Variants in WDR55 observed in about 807,000 individuals in gnomAD.
WDR55 encodes the protein WD repeat-containing protein 55.
WDR55 carries 31 observed loss-of-function variants against 34.0 expected under a neutral mutation model. That is an observed-to-expected ratio of 0.91 (90% CI 0.69 to 1.23). The LOEUF (loss-of-function observed/expected upper bound fraction) is 1.23. Among genes scored for constraint, WDR55 ranks in the 50% most tolerant of loss-of-function variants. The pLI is 0.00. For synonymous variants in WDR55, 164 were observed against 185.9 expected, an observed-to-expected ratio of 0.88 and a Z score of 0.96; for missense variants, 440 against 494.6, an observed-to-expected ratio of 0.89 and a Z score of 1.05.
chr5:140,671,147 C>T lies in WDR55; in HGVS notation c.*1493C>T. On this transcript the variant is annotated 3_prime_UTR_variant, in exon 7 of 7. Coordinates refer to ENST00000358337, the MANE Select transcript of WDR55 (RefSeq NM_017706.5). ...AAGCTGCCCCCAGGTGCCATAGGTC[C>T]CTGTCCCAGCAGGGAGGCTGATGGG... The T allele has an allele frequency of 1.9e-6, 2 of 1,036,140 alleles. No homozygotes were observed. Among genetic ancestry groups the T allele is most frequent in the South Asian group, 1.4e-5 (1 of 69,780 alleles). The allele number at this position is 1,036,140 out of a possible 1,614,324, so 64.2% of individuals were successfully genotyped here.
Position 140,669,068 on chromosome 5 carries a change from T to C in WDR55, c.661-11T>C. 1 of 1,614,124 alleles carries C rather than the reference T, an allele frequency of 6.2e-7. No homozygotes were observed. Among genetic ancestry groups the C allele is most frequent in the Non-Finnish European group, 8.5e-7 (1 of 1,180,002 alleles). On this transcript the variant is annotated splice_polypyrimidine_tract_variant and intron_variant, in intron 5 of 6. Transcript: ENST00000358337. ...GGCAGCTTCCACATTGTTTTCTCTA[T>C]TTCCCTGCAGTGGGGGAAGAAGGTA...
Position 140,671,449 on chromosome 5 carries a change from G to A in WDR55, c.*1795G>A, listed in dbSNP as rs755793060. 4.0e-5 allele frequency: 65 copies of A among 1,610,874 alleles called. No individual in the cohort carries two copies. Among genetic ancestry groups the A allele is most frequent in the South Asian group, 3.0e-4 (27 of 90,904 alleles). On this transcript the variant is annotated 3_prime_UTR_variant, in exon 7 of 7. Coordinates refer to ENST00000358337, the MANE Select transcript of WDR55 (RefSeq NM_017706.5). ...GGGTCAGCACAACCCAGATGAGGCC[G>A]CTGAAGGGCACCGGATGCCCAGGAA...
In WDR55 at chr5:140,669,881, A is replaced by C; in HGVS notation, c.*227A>C. ...GCAGCTGGGACTACAGGTGTGCACTACCACACCAGGCCAATTTTTGTTTTT... is the reference window on the plus strand; with the variant it reads ...GCAGCTGGGACTACAGGTGTGCACTCCCACACCAGGCCAATTTTTGTTTTT... On this transcript the variant is annotated 3_prime_UTR_variant, in exon 7 of 7. Transcript: ENST00000358337. 6.1e-6 allele frequency: 3 copies of C among 492,684 alleles called. No individual in the cohort carries two copies. Among genetic ancestry groups the C allele is most frequent in the East Asian group, 3.4e-5 (1 of 29,048 alleles). The allele number at this position is 492,684 out of a possible 1,614,324, so 30.5% of individuals were successfully genotyped here.
chr5:140,666,190 G>T (rs964664562), intron 1 of WDR55, among the ~76,000 whole-genome samples: 2 of 152,070 alleles, frequency 1.3e-5, no homozygotes, highest in African/African-American at 4.8e-5. Flanking sequence ...GAGGTCAGGA[G>T]TTGGAGACCA....
rs868843075 is a variant in WDR55, at chr5:140,671,161, G to C, written c.*1507G>C. 3.4e-6 allele frequency: 4 copies of C among 1,165,754 alleles called. No individual in the cohort carries two copies. Among genetic ancestry groups the C allele is most frequent in the Non-Finnish European group, 5.0e-6 (4 of 796,204 alleles). 72.2% of individuals were successfully genotyped at this position (1,165,754 alleles called of 1,614,324 possible). On this transcript the variant is annotated 3_prime_UTR_variant, in exon 7 of 7. Transcript: ENST00000358337. ...TGCCATAGGTCCCTGTCCCAGCAGG[G>C]AGGCTGATGGGCCTGGGCCCATGCC...
Position 140,669,418 on chromosome 5 carries a change from T to C in WDR55, c.916T>C (p.Cys306Arg). The C allele has an allele frequency of 6.2e-7, 1 of 1,614,074 alleles. No homozygotes were observed. Among genetic ancestry groups the C allele is most frequent in the Non-Finnish European group, 8.5e-7 (1 of 1,179,998 alleles). ...EPVEELALSH[C>R]GRFLASSGHD... ...TGTGGAGGAGCTGGCCCTCTCCCACTGTGGCCGCTTCCTGGCCAGTAGTGG... is the reference window on the plus strand; with the variant it reads ...TGTGGAGGAGCTGGCCCTCTCCCACCGTGGCCGCTTCCTGGCCAGTAGTGG... The change falls in exon 7 of 7, where the codon TGT (cysteine) becomes CGT (arginine). Residue 306 changes from cysteine (C) to arginine (R), a missense_variant. Transcript: ENST00000358337.
At position 140,668,483 on chromosome 5, in the gene WDR55, C is replaced by T. The variant is rs753701912; in HGVS notation, c.361C>T (p.Arg121Cys). The T allele has an allele frequency of 3.4e-5, 55 of 1,614,010 alleles. No individual in the cohort carries two copies. In the South Asian group the frequency reaches 4.2e-4, roughly 12 times the overall value. Residue 121 changes from arginine (R) to cysteine (C), a missense_variant, in exon 3 of 7, where the codon CGT becomes TGT. Transcript: ENST00000358337. ...LDVEQGQLER[R>C]VSKAHGAPIN... Reference sequence around the variant, plus strand: ...TGTGGAGCAGGGCCAACTGGAAAGACGTGTTTCCAAGGCTCATGGGTAAGG... The same window carrying T: ...TGTGGAGCAGGGCCAACTGGAAAGATGTGTTTCCAAGGCTCATGGGTAAGG...
chr5:140,666,433 G>C (rs2149811266), intron 1 of WDR55: 2 of 163,474 alleles, frequency 1.2e-5, no homozygotes, highest in East Asian at 3.8e-4. Context: ...ATTTGCATGT[G>C]CTATTCTGTC....
chr5:140,667,478 A>G (rs924805686), intron 1 of WDR55: 6 of 152,224 alleles, frequency 3.9e-5, no homozygotes, highest in African/African-American at 1.2e-4. Context: ...CTCTTGTATG[A>G]TCCAACCCAC....
At position 140,668,595 on chromosome 5, in the gene WDR55, T is replaced by C. The variant is rs761710744; in HGVS notation, c.381-17T>C. 1.9e-6 allele frequency: 3 copies of C among 1,611,924 alleles called. No individual in the cohort carries two copies. Among genetic ancestry groups the C allele is most frequent in the Non-Finnish European group, 2.5e-6 (3 of 1,178,738 alleles). On this transcript the variant is annotated splice_polypyrimidine_tract_variant and intron_variant, in intron 3 of 6. Coordinates refer to ENST00000358337, the MANE Select transcript of WDR55 (RefSeq NM_017706.5). ...GGGACAGAGATGCTCCAAGAAGTTC[T>C]ACATCTGTGTCTCTAGTGCCCCCAT...
Position 140,669,383 on chromosome 5 carries a change from C to G in WDR55, c.881C>G (p.Thr294Ser), listed in dbSNP as rs752557321. The change falls in exon 7 of 7, where the codon ACT becomes AGT. Residue 294 changes from threonine to serine, a missense_variant. Physicochemically the swap from Thr to Ser is moderately conservative, Grantham distance 58 (BLOSUM62 1). Transcript: ENST00000358337. ...GTGGTGGGCAGTGTGGGCCAGCACA[C>G]TGGGGAGCCTGTGGAGGAGCTGGCC... Reference protein sequence around the residue: ...NRVVGSVGQHTGEPVEELALS... With the variant: ...NRVVGSVGQHSGEPVEELALS... The G allele has an allele frequency of 1.9e-6, 3 of 1,613,804 alleles. No individual in the cohort carries two copies. The highest frequency in any genetic ancestry group is 1.3e-5 in the African/African-American group (1 of 74,918).
rs199703371 is a variant in WDR55 at position 140,669,396 on chromosome 5, G to A, written c.894G>A (p.Val298=). The change falls in exon 7 of 7, where the codon GTG becomes GTA. Residue 298 remains valine (V), a synonymous_variant. Coordinates refer to ENST00000358337, the MANE Select transcript of WDR55 (RefSeq NM_017706.5). ...TGGGCCAGCACACTGGGGAGCCTGT[G>A]GAGGAGCTGGCCCTCTCCCACTGTG... The part of the protein sequence containing the change: ...GSVGQHTGEP[V]EELALSHCGR... 58 of 1,614,008 alleles carry A rather than the reference G, an allele frequency of 3.6e-5. No individual in the cohort carries two copies. The highest frequency in any genetic ancestry group is 4.7e-5 in the Non-Finnish European group (56 of 1,180,016).
rs1254693338 is a variant in WDR55 at position 140,672,089 on chromosome 5, T to C, written c.*2435T>C. 2 of 542,568 alleles carry C rather than the reference T, an allele frequency of 3.7e-6. No homozygotes were observed. Among genetic ancestry groups the C allele is most frequent in the Non-Finnish European group, 6.6e-6 (2 of 301,876 alleles). 33.6% of individuals were successfully genotyped at this position (542,568 alleles called of 1,614,324 possible). A position where few individuals can be genotyped will look rare whatever the true frequency, so the allele number is the denominator to read the frequency against. On this transcript the variant is annotated 3_prime_UTR_variant, in exon 7 of 7. Coordinates refer to ENST00000358337, the MANE Select transcript of WDR55 (RefSeq NM_017706.5). Reference sequence around the variant, plus strand: ...CACCCATTATGTTACTTAATTCTCATAACAGTCTGAGGAAACAGATTCTAT... The same window carrying C: ...CACCCATTATGTTACTTAATTCTCACAACAGTCTGAGGAAACAGATTCTAT...
intron 1 of WDR55, 28 bp from the exon 2 acceptor site, chr5:140,668,193 GCTGGGTCTGGAGT>G: frequency 6.5e-7 from 1 of 1,546,706 alleles, no homozygotes; most frequent in East Asian, 2.3e-5. Flanking sequence ...TGCAACCCAG[GCTGGGTCTGGAGT>G]CATTTACCCT....
intron 1 of WDR55, among the ~76,000 whole-genome samples, chr5:140,665,956 G>C (rs554107112): frequency 6.6e-6 from 1 of 151,916 alleles, no homozygotes; most frequent in African/African-American, 2.4e-5. Context: ...AGCCAAGATC[G>C]TGCCACTGCA....
chr5:140,671,476 C>T lies in WDR55; in HGVS notation c.*1822C>T, dbSNP rs1176628733. 21 of 1,605,894 alleles carry T rather than the reference C, an allele frequency of 1.3e-5. No homozygotes were observed. On this transcript the variant is annotated 3_prime_UTR_variant, in exon 7 of 7. Transcript: ENST00000358337. ...TGAAGGGCACCGGATGCCCAGGAATCACCACCTGGTACCAGAAGCGGTGCC... is the reference window on the plus strand; with the variant it reads ...TGAAGGGCACCGGATGCCCAGGAATTACCACCTGGTACCAGAAGCGGTGCC...
At chr5:140,665,798 C>T (rs1229190692) in intron 1 of WDR55, among the ~76,000 whole-genome samples, 1 of 151,728 alleles carries the variant, frequency 6.6e-6, no homozygotes, top group East Asian at 2.0e-4. Flanking sequence ...GGTTGGAGCT[C>T]GAGACCAGCC....
At chr5:140,665,677 G>C (rs1757904733) in intron 1 of WDR55, among the ~76,000 whole-genome samples, 1 of 152,088 alleles carries the variant, frequency 6.6e-6, no homozygotes, top group Admixed American at 6.5e-5. Context: ...TTATTATATT[G>C]TGCCCGAGAC....
At position 140,668,175 on chromosome 5, in the gene WDR55, G is replaced by A; in HGVS notation, c.192-59G>A. Reference sequence around the variant, plus strand: ...AGGCTGCTCTGTCTAGTTGGTCTCTGCACTCAATGCAACCCAGGCTGGGTC... The same window carrying A: ...AGGCTGCTCTGTCTAGTTGGTCTCTACACTCAATGCAACCCAGGCTGGGTC... On this transcript the variant is annotated intron_variant, in intron 1 of 6. Coordinates refer to ENST00000358337, the MANE Select transcript of WDR55 (RefSeq NM_017706.5). The A allele has an allele frequency of 5.9e-6, 9 of 1,521,810 alleles. 1 individual carries two copies. The South Asian group carries it at 7.9e-5, about 13-fold the overall frequency. The allele number at this position is 1,521,810 out of a possible 1,614,324, so 94.3% of individuals were successfully genotyped here. A position where few individuals can be genotyped will look rare whatever the true frequency, so the allele number is the denominator to read the frequency against.
Sources: gnomAD v4.1 joint callset for allele counts (sites outside exome capture counted in the v4.1 genomes callset) on GRCh38, gnomAD v4.1.1 for gene constraint, MANE v1.5 for transcripts, NCBI Gene and HGNC (gene_info 2026-07-23, HGNC 2026-07-21) for gene names.